Variants in FCHO2 observed in about 807,000 individuals in gnomAD.
FCHO2 encodes the protein FCH and mu domain containing endocytic adaptor 2.
A neutral mutation model predicts 114.1 loss-of-function variants in FCHO2; 43 were observed. The ratio of observed to expected loss-of-function variants is 0.38; its 90% CI spans 0.30 to 0.49. FCHO2 has a LOEUF of 0.49. Among genes scored for constraint, FCHO2 ranks in the 20% least tolerant of loss-of-function variants. The pLI is 0.97. For missense variants in FCHO2, 807 were observed against 950.4 expected (o/e 0.85, Z 1.98); for synonymous variants, 293 against 315.2 (o/e 0.93, Z 0.75).
intron 8 of FCHO2, among the ~76,000 whole-genome samples, chr5:73,018,559 T>C (rs1261872595): frequency 6.6e-6 from 1 of 151,856 alleles, no homozygotes; most frequent in African/African-American, 2.4e-5. Context: ...CAAGTGTTTA[T>C]TGATATATTT....
chr5:72,979,025 G>T (rs1005898395), intron 2 of FCHO2, among the ~76,000 whole-genome samples: 2 of 152,084 alleles, frequency 1.3e-5, no homozygotes, highest in African/African-American at 4.8e-5. Context: ...ATTTTATTGA[G>T]GATTTTCGCA....
chr5:73,064,032 T>G, intron 18 of FCHO2, 88 bp downstream of exon 18: 2 of 1,263,560 alleles, frequency 1.6e-6, no homozygotes, highest in Non-Finnish European at 2.2e-6. Flanking sequence ...TACAGTTAAT[T>G]GCTTGAAGTT....
At chr5:72,971,131 T>C (rs1327772830) in intron 2 of FCHO2, among the ~76,000 whole-genome samples, 1 of 152,140 alleles carries the variant, frequency 6.6e-6, no homozygotes, top group African/African-American at 2.4e-5. Flanking sequence ...TCCAAGTCTT[T>C]GCTATTGTGA....
chr5:73,068,194 G>T (rs1415120737), intron 18 of FCHO2, among the ~76,000 whole-genome samples: 1 of 151,924 alleles, frequency 6.6e-6, no homozygotes, highest in Admixed American at 6.6e-5. Context: ...AAAAGTGAAG[G>T]TTTTATTATT....
intron 1 of FCHO2, among the ~76,000 whole-genome samples, chr5:72,961,756 G>T (rs1167360327): frequency 2.0e-5 from 3 of 152,020 alleles, no homozygotes; most frequent in Non-Finnish European, 2.9e-5. Flanking sequence ...CACCATGCCT[G>T]GCTAATTTTG....
rs115577062 is a variant in FCHO2, at chr5:73,041,202, A to G, written c.915-89A>G. On this transcript the variant is annotated intron_variant, in intron 10 of 25. Coordinates refer to ENST00000430046, the MANE Select transcript of FCHO2 (RefSeq NM_138782.3). The stretch of plus-strand genomic sequence containing the variant: ...TTTTTGTAGAGTTTAAATAAAAGCT[A>G]TATTTAAGTACCAAAGTAAATACTT... The G allele has an allele frequency of 4.5e-3, 3,549 of 781,578 alleles. 42 individuals carry two copies. Among genetic ancestry groups the G allele is most frequent in the African/African-American group, 0.032 (1,822 of 56,806 alleles). The allele number at this position is 781,578 out of a possible 1,614,324, so 48.4% of individuals were successfully genotyped here.
chr5:72,956,273 C>A, intron 1 of FCHO2, 144 bp downstream of exon 1: 1 of 1,134,238 alleles, frequency 8.8e-7, no homozygotes, highest in Non-Finnish European at 1.2e-6. Context: ...GGGTGAGGTC[C>A]GGCGGGCGAC....
chr5:73,074,595 A>C, intron 19 of FCHO2, 147 bp from the exon 20 acceptor site: 1 of 678,116 alleles, frequency 1.5e-6, no homozygotes, highest in Non-Finnish European at 2.5e-6. Flanking sequence ...TTTATACTAT[A>C]TTTCTTAGCC....
intron 11 of FCHO2, among the ~76,000 whole-genome samples, chr5:73,049,458 C>G (rs1280910207): frequency 6.6e-6 from 1 of 151,908 alleles, no homozygotes; most frequent in Non-Finnish European, 1.5e-5. Context: ...TTTGTCTTAT[C>G]CTGTTTTTTC....
chr5:72,997,008 A>G (rs1754156064), intron 5 of FCHO2: 7 of 1,553,846 alleles, frequency 4.5e-6, no homozygotes, highest in Non-Finnish European at 6.2e-6. Flanking sequence ...TTGCGGTGGC[A>G]GATCTGCATG....
intron 6 of FCHO2, among the ~76,000 whole-genome samples, chr5:73,007,235 C>G (rs1193313785): frequency 9.2e-5 from 14 of 152,140 alleles, no homozygotes; most frequent in Admixed American, 9.2e-4. Context: ...GGGTTTATTA[C>G]TTTCTCATGC....
At chr5:73,051,964 C>T (rs914415889) in intron 12 of FCHO2, among the ~76,000 whole-genome samples, 7 of 152,176 alleles carry the variant, frequency 4.6e-5, no homozygotes, top group African/African-American at 4.8e-5. Context: ...CACTCTGTCA[C>T]GCAGGCTGGA....
At chr5:72,982,498 G>T (rs539940413) in intron 2 of FCHO2, among the ~76,000 whole-genome samples, 1 of 152,202 alleles carries the variant, frequency 6.6e-6, no homozygotes, top group South Asian at 2.1e-4. Context: ...GTCTTTCAAA[G>T]AACAAAAGTA....
At chr5:73,083,898 A>T in intron 24 of FCHO2, among the ~76,000 whole-genome samples, 1 of 151,274 alleles carries the variant, frequency 6.6e-6, no homozygotes, top group East Asian at 1.9e-4. Context: ...GTCTCAAAAA[A>T]AAAAAAAAAA....
In FCHO2 at chr5:73,071,692, A is replaced by G. The variant is rs148044629; in HGVS notation, c.1579+2913A>G. On this transcript the variant is annotated intron_variant, in intron 19 of 25. Coordinates refer to ENST00000430046, the MANE Select transcript of FCHO2 (RefSeq NM_138782.3). ...TTTTTAAAAGACTATTTAAGTACAT[A>G]TTTCCTATTCATTTTTTGAAGTATC... Among the ~76,000 whole-genome samples the G allele has an allele frequency of 8.4e-3, 1,283 of 152,172 alleles. 7 individuals are homozygous for G. The highest frequency in any genetic ancestry group is 0.012 in the Non-Finnish European group (835 of 67,966).
chr5:73,017,071 G>T, intron 7 of FCHO2, 141 bp from the exon 8 acceptor site: 1 of 522,462 alleles, frequency 1.9e-6, no homozygotes, highest in Non-Finnish European at 3.4e-6. Flanking sequence ...CTGGAAGTTA[G>T]GTAAATTAAA....
intron 2 of FCHO2, among the ~76,000 whole-genome samples, chr5:72,977,949 G>A (rs1752975594): frequency 6.6e-6 from 1 of 152,126 alleles, no homozygotes; most frequent in South Asian, 2.1e-4. Flanking sequence ...TGTTATTTTT[G>A]AGGACTCTCT....
chr5:73,050,892 T>C (rs1757310071), intron 11 of FCHO2, among the ~76,000 whole-genome samples: 1 of 152,192 alleles, frequency 6.6e-6, no homozygotes, highest in Non-Finnish European at 1.5e-5. Context: ...TTAGATAGTT[T>C]TACTAGTTCA....
intron 2 of FCHO2, among the ~76,000 whole-genome samples, chr5:72,976,644 T>G (rs1752901073): frequency 6.6e-6 from 1 of 152,160 alleles, no homozygotes; most frequent in Non-Finnish European, 1.5e-5. Flanking sequence ...TTTATTATAC[T>G]TTAAGCCCTG....
Sources: gnomAD v4.1 joint callset for allele counts (sites outside exome capture counted in the v4.1 genomes callset) on GRCh38, gnomAD v4.1.1 for gene constraint, MANE v1.5 for transcripts, NCBI Gene and HGNC (gene_info 2026-07-23, HGNC 2026-07-21) for gene names.